Variants in APBB2 observed in about 807,000 individuals in gnomAD.
The protein encoded by APBB2 is Fe65-like 1.
In APBB2, 38 loss-of-function variants were observed where a neutral mutation model predicts 82.5. The ratio of observed to expected loss-of-function variants is 0.46; its 90% CI spans 0.36 to 0.60. The LOEUF is 0.60. APBB2 is among the 20% of genes least tolerant of loss of function. The pLI is 0.00. For missense variants in APBB2, 772 were observed against 972.3 expected, an observed-to-expected ratio of 0.79 and a Z score of 2.74; for synonymous variants, 341 against 368.2, an observed-to-expected ratio of 0.93 and a Z score of 0.85.
intron 6 of APBB2, among the ~76,000 whole-genome samples, chr4:40,986,019 C>T (rs1473891038): frequency 6.6e-6 from 1 of 152,026 alleles, no homozygotes; most frequent in African/African-American, 2.4e-5. Context: ...GTAAGGGCTC[C>T]TAGTTCTATT....
chr4:41,043,237 A>G (rs1208404771), intron 4 of APBB2, among the ~76,000 whole-genome samples: 2 of 152,250 alleles, frequency 1.3e-5, no homozygotes, highest in East Asian at 3.8e-4. Context: ...AAAAAAATCA[A>G]AAACAAGTTA....
intron 2 of APBB2, among the ~76,000 whole-genome samples, chr4:41,103,914 C>A (rs1746279507): frequency 6.6e-6 from 1 of 152,110 alleles, no homozygotes; most frequent in Admixed American, 6.5e-5. Context: ...CAGTCCGTCC[C>A]AATAGGGATG....
intron 12 of APBB2, among the ~76,000 whole-genome samples, chr4:40,849,323 T>G (rs1475939112): frequency 2.6e-5 from 4 of 152,218 alleles, no homozygotes. Flanking sequence ...AGCGAATCTA[T>G]ACTCTGATCA....
In APBB2 at chr4:41,081,094, T is replaced by C. The variant is rs150568790; in HGVS notation, c.-148-15421A>G. ...TAGTCAGTTCTCTTGACGTATCTAA[T>C]GGCCACTAAAACAAGAGTTTCATTC... On this transcript the variant is annotated intron_variant, in intron 3 of 17. Coordinates refer to ENST00000508593, the MANE Select transcript of APBB2 (RefSeq NM_004307.2). Among the ~76,000 whole-genome samples, 291 of 152,354 alleles carry C rather than the reference T, an allele frequency of 1.9e-3. 2 individuals carry two copies. The highest frequency in any genetic ancestry group is 6.8e-3 in the African/African-American group (283 of 41,586).
chr4:41,021,471 T>C (rs1811495568), intron 5 of APBB2, among the ~76,000 whole-genome samples: 1 of 152,084 alleles, frequency 6.6e-6, no homozygotes. Context: ...CAGCACTCTG[T>C]GTCTAGCTAA....
At chr4:41,168,064 A>G (rs1052858440) in intron 1 of APBB2, among the ~76,000 whole-genome samples, 2 of 152,088 alleles carry the variant, frequency 1.3e-5, no homozygotes, top group African/African-American at 4.8e-5. Flanking sequence ...AGGTCAGGAG[A>G]TGGAGACCAT....
chr4:40,898,025 A>G (rs543615645), intron 10 of APBB2, among the ~76,000 whole-genome samples: 1 of 152,352 alleles, frequency 6.6e-6, no homozygotes, highest in African/African-American at 2.4e-5. Flanking sequence ...GTAATGGTTC[A>G]GGGTAGAACC....
At chr4:41,000,168 G>A (rs1354806955) in intron 6 of APBB2, among the ~76,000 whole-genome samples, 1 of 151,356 alleles carries the variant, frequency 6.6e-6, no homozygotes, top group Non-Finnish European at 1.5e-5. Context: ...GGCTGAGGTA[G>A]GGGGATCACC....
At chr4:41,151,142 ATC>A (rs1762175236) in intron 1 of APBB2, among the ~76,000 whole-genome samples, 1 of 152,182 alleles carries the variant, frequency 6.6e-6, no homozygotes, top group South Asian at 2.1e-4. Context: ...GGTGTGTCTT[ATC>A]TTTTTTTAAT....
At chr4:40,998,997 T>A (rs1218097628) in intron 6 of APBB2, among the ~76,000 whole-genome samples, 1 of 152,040 alleles carries the variant, frequency 6.6e-6, no homozygotes, top group Admixed American at 6.5e-5. Context: ...ATTTCTAGAA[T>A]TTTCCATGGA....
At chr4:41,068,635 T>C (rs189683520) in intron 3 of APBB2, among the ~76,000 whole-genome samples, 28 of 152,264 alleles carry the variant, frequency 1.8e-4, no homozygotes, top group African/African-American at 6.7e-4. Flanking sequence ...TTATAAGTTT[T>C]ACCCCTAAGA....
intron 4 of APBB2, among the ~76,000 whole-genome samples, chr4:41,049,981 G>A (rs936867456): frequency 9.2e-5 from 14 of 152,030 alleles, no homozygotes; most frequent in Admixed American, 4.6e-4. Flanking sequence ...CAAACACTGC[G>A]GAAGGCCACA....
intron 3 of APBB2, among the ~76,000 whole-genome samples, chr4:41,073,539 T>C (rs940573740): frequency 2.0e-5 from 3 of 152,162 alleles, no homozygotes; most frequent in Non-Finnish European, 4.4e-5. Context: ...AAAGAAGCAA[T>C]TTTTCACCTT....
intron 2 of APBB2, among the ~76,000 whole-genome samples, chr4:41,101,567 G>C (rs530173319): frequency 6.8e-4 from 101 of 148,034 alleles, no homozygotes; most frequent in Admixed American, 2.5e-3. Flanking sequence ...AATGTATTAA[G>C]CACACCTTAA....
chr4:40,908,081 G>T lies in APBB2; in HGVS notation c.1255-14670C>A, dbSNP rs554431210. Among the ~76,000 whole-genome samples, 184 of 151,698 alleles carry T rather than the reference G, an allele frequency of 1.2e-3. 1 individual carries two copies. Among genetic ancestry groups the T allele is most frequent in the Non-Finnish European group, 2.2e-3 (147 of 67,906 alleles). On this transcript the variant is annotated intron_variant, in intron 10 of 17. Coordinates refer to ENST00000508593, the MANE Select transcript of APBB2 (RefSeq NM_004307.2). ...GTGTGTGTGTGGCATATGTGTGTGT[G>T]TATGTGTCTGTGTGTGTGTGTGGTA... is the stretch of plus-strand genomic sequence containing the variant.
chr4:41,059,949 C>CA (rs1389721693), intron 4 of APBB2, among the ~76,000 whole-genome samples: 2 of 150,878 alleles, frequency 1.3e-5, no homozygotes, highest in African/African-American at 4.8e-5. Context: ...CACTCCACTC[C>CA]AGCCTATGTA....
intron 6 of APBB2, among the ~76,000 whole-genome samples, chr4:40,984,221 T>C (rs1264971360): frequency 6.6e-6 from 1 of 152,058 alleles, no homozygotes; most frequent in Non-Finnish European, 1.5e-5. Flanking sequence ...TTGTCATGGA[T>C]GAAATGCCAG....
chr4:40,888,970 A>C (rs1298637268), intron 12 of APBB2, among the ~76,000 whole-genome samples: 1 of 152,264 alleles, frequency 6.6e-6, no homozygotes, highest in Non-Finnish European at 1.5e-5. Flanking sequence ...TTTAATGACG[A>C]CCAAATATCA....
At chr4:41,176,386 G>A (rs939151742) in intron 1 of APBB2, among the ~76,000 whole-genome samples, 1 of 151,942 alleles carries the variant, frequency 6.6e-6, no homozygotes, top group Admixed American at 6.6e-5. Flanking sequence ...GCAGTTTACA[G>A]CATTAACCAA....
Sources: gnomAD v4.1 joint callset for allele counts (sites outside exome capture counted in the v4.1 genomes callset) on GRCh38, gnomAD v4.1.1 for gene constraint, MANE v1.5 for transcripts, NCBI Gene and HGNC (gene_info 2026-07-23, HGNC 2026-07-21) for gene names.